The following DARS2 variants were observed in gnomAD, a reference collection of about 807,000 sequenced individuals.
DARS2 encodes the protein aspartyl-tRNA synthetase 2, mitochondrial, also known as aspartate--tRNA ligase, mitochondrial.
DARS2 carries 63 observed loss-of-function variants against 83.0 expected under a neutral mutation model. The ratio of observed to expected loss-of-function variants is 0.76; its 90% CI spans 0.62 to 0.94. The LOEUF is 0.94. Ranked by LOEUF, DARS2 falls within the 40% of genes least tolerant of loss-of-function variation. DARS2 has a pLI of 0.00. For missense variants in DARS2, 675 were observed against 774.4 expected (o/e 0.87, Z 1.52); for synonymous variants, 250 against 269.3 (o/e 0.93, Z 0.70).
At chr1:173,834,096 C>T (rs947642025) in intron 6 of DARS2, among the ~76,000 whole-genome samples, 3 of 152,170 alleles carry the variant, frequency 2.0e-5, no homozygotes, top group Non-Finnish European at 2.9e-5. Flanking sequence ...GCATACATCA[C>T]TTATTGGGAG....
intron 15 of DARS2, 134 bp from the exon 16 acceptor site, chr1:173,856,532 C>A: frequency 1.3e-6 from 1 of 746,054 alleles, no homozygotes; most frequent in Non-Finnish European, 2.2e-6. Context: ...TTCCAATAAA[C>A]TTTTATTATT....
chr1:173,852,685 A>G (rs1653720491), intron 13 of DARS2, among the ~76,000 whole-genome samples: 1 of 151,904 alleles, frequency 6.6e-6, no homozygotes, highest in Non-Finnish European at 1.5e-5. Context: ...TTGTATTTTT[A>G]GTAGTGACGG....
At chr1:173,842,566 G>A (rs970145118) in intron 11 of DARS2, among the ~76,000 whole-genome samples, 2 of 149,044 alleles carry the variant, frequency 1.3e-5, no homozygotes, top group Admixed American at 1.3e-4. Context: ...GCCTCCCAAA[G>A]TGCTGGGATT....
intron 11 of DARS2, among the ~76,000 whole-genome samples, chr1:173,843,735 T>C (rs1425448986): frequency 2.0e-5 from 3 of 152,214 alleles, no homozygotes; most frequent in Non-Finnish European, 4.4e-5. Context: ...TGTACTCTTA[T>C]ATGAGCTGTT....
intron 15 of DARS2, among the ~76,000 whole-genome samples, chr1:173,855,739 G>A (rs892236641): frequency 3.8e-4 from 57 of 151,326 alleles, no homozygotes; most frequent in Admixed American, 3.6e-3. Context: ...TGCAACCTCC[G>A]CCTCCCAGGT....
At chr1:173,830,862 G>A (rs949078231) in intron 4 of DARS2, 101 bp downstream of exon 4, 1 of 872,514 alleles carries the variant, frequency 1.1e-6, no homozygotes, top group Non-Finnish European at 1.9e-6. Flanking sequence ...AGGCACTAAA[G>A]TTGAATAAAT....
chr1:173,840,840 A>T (rs1653176184), intron 10 of DARS2, 26 bp from the exon 11 acceptor site: 2 of 1,247,922 alleles, frequency 1.6e-6, no homozygotes, highest in African/African-American at 3.0e-5. Flanking sequence ...ATATTTAGTT[A>T]TCTCTTTTTG....
intron 14 of DARS2, 49 bp from the exon 15 acceptor site, chr1:173,853,746 C>G (rs766051343): frequency 6.4e-7 from 1 of 1,564,262 alleles, no homozygotes; most frequent in Non-Finnish European, 8.8e-7. Flanking sequence ...ACCCGTAGAA[C>G]AGAAAACCAG....
chr1:173,851,441 T>C (rs1490023265), intron 13 of DARS2, among the ~76,000 whole-genome samples: 2 of 152,122 alleles, frequency 1.3e-5, no homozygotes, highest in Non-Finnish European at 2.9e-5. Context: ...CAAATTTTTA[T>C]ACATCATGCA....
In DARS2 at chr1:173,828,313, T is replaced by TGGGGGGG; in HGVS notation, c.228-20_228-19insGGGGGGG. ...AGATTTTATCTTAAAATGTTTCTTT[T>TGGGGGGG]CCCCCCCCCCATTAATCAGGCAAAA... On this transcript the variant is annotated intron_variant, in intron 2 of 16. Transcript: ENST00000649689. 2 of 1,231,054 alleles carry TGGGGGGG rather than the reference T, an allele frequency of 1.6e-6. No individual in the cohort carries two copies. Among genetic ancestry groups the TGGGGGGG allele is most frequent in the African/African-American group, 1.5e-5 (1 of 67,222 alleles). 76.3% of individuals were successfully genotyped at this position (1,231,054 alleles called of 1,614,324 possible). A position where few individuals can be genotyped will look rare whatever the true frequency, so the allele number is the denominator to read the frequency against.
rs2102639244 is a variant in DARS2, at chr1:173,831,479, A to G, written c.397-56A>G. On this transcript the variant is annotated intron_variant, in intron 4 of 16. Transcript: ENST00000649689. ...AAATGCATAGATTCTACAAATGTGT[A>G]TTTTGTGTATATCCTGATGAGTAAT... The G allele has an allele frequency of 3.3e-6, 4 of 1,207,562 alleles. No homozygotes were observed. The South Asian group carries it at 4.8e-5, about 15-fold the overall frequency. The allele number at this position is 1,207,562 out of a possible 1,614,324, so 74.8% of individuals were successfully genotyped here. A position where few individuals can be genotyped will look rare whatever the true frequency, so the allele number is the denominator to read the frequency against.
chr1:173,826,586 T>C (rs886820416), intron 1 of DARS2, 101 bp from the exon 2 acceptor site: 1 of 792,498 alleles, frequency 1.3e-6, no homozygotes, highest in Non-Finnish European at 2.1e-6. Context: ...AGCCCTGACA[T>C]ACCTAAGATA....
intron 12 of DARS2, among the ~76,000 whole-genome samples, chr1:173,846,168 A>G (rs1309920215): frequency 6.6e-6 from 1 of 151,970 alleles, no homozygotes; most frequent in African/African-American, 2.4e-5. Flanking sequence ...AAAAAAAAAA[A>G]AAAATGCAAA....
chr1:173,825,892 T>C (rs893745494), intron 1 of DARS2, among the ~76,000 whole-genome samples: 6 of 151,710 alleles, frequency 4.0e-5, no homozygotes, highest in African/African-American at 1.5e-4. Flanking sequence ...AACCACGTAA[T>C]ATATAGAATA....
At chr1:173,832,381 T>C (rs1356607115) in intron 5 of DARS2, among the ~76,000 whole-genome samples, 2 of 152,170 alleles carry the variant, frequency 1.3e-5, no homozygotes, top group African/African-American at 2.4e-5. Flanking sequence ...AAAGAAAATA[T>C]ATAGTTTTCC....
intron 7 of DARS2, among the ~76,000 whole-genome samples, chr1:173,834,971 G>A (rs527775567): frequency 2.0e-5 from 3 of 151,124 alleles, no homozygotes; most frequent in Admixed American, 1.3e-4. Context: ...TAGTAGAGAC[G>A]GAGTTTCACC....
chr1:173,844,669 C>CAAAAAAAAAAAAAAAAA (rs549839808), intron 11 of DARS2, among the ~76,000 whole-genome samples: 3 of 29,930 alleles, frequency 1.0e-4, no homozygotes, highest in African/African-American at 2.4e-4. Context: ...GACTCCATCG[C>CAAAAAAAAAAAAAAAAA]AAAAAAAAAA....
At position 173,839,476 on chromosome 1, in the gene DARS2, C is replaced by G. The variant is rs373907765; in HGVS notation, c.950C>G (p.Pro317Arg). 3 of 1,613,990 alleles carry G rather than the reference C, an allele frequency of 1.9e-6. No individual in the cohort carries two copies. Among genetic ancestry groups the G allele is most frequent in the Non-Finnish European group, 2.5e-6 (3 of 1,180,016 alleles). ...AAAGATCCTGTGGTTGTTCCTTTTC[C>G]TACTATGACTTTTGCTGAGGTGCTG... ...NDKDPVVVPF[P>R]TMTFAEVLAT... is the part of the protein sequence containing the mutation. The change falls in exon 10 of 17, where the codon CCT (proline) becomes CGT (arginine). Residue 317 changes from proline to arginine, a missense_variant. Coordinates refer to ENST00000649689, the MANE Select transcript of DARS2 (RefSeq NM_018122.5).
At chr1:173,849,570 G>A (rs1328119605) in intron 12 of DARS2, among the ~76,000 whole-genome samples, 5 of 151,280 alleles carry the variant, frequency 3.3e-5, no homozygotes, top group African/African-American at 1.2e-4. Context: ...GCTCAAGAGA[G>A]AGGCTTTGTA....
Sources: gnomAD v4.1 joint callset for allele counts (sites outside exome capture counted in the v4.1 genomes callset) on GRCh38, gnomAD v4.1.1 for gene constraint, MANE v1.5 for transcripts, NCBI Gene and HGNC (gene_info 2026-07-23, HGNC 2026-07-21) for gene names.